WSCD2: variants seen among roughly 807,000 people sequenced by gnomAD.
WSCD2 encodes the protein sialate:O-sulfotransferase 2.
A neutral mutation model predicts 55.7 loss-of-function variants in WSCD2; 28 were observed. That is an observed-to-expected ratio of 0.50 (90% confidence interval 0.37 to 0.69). WSCD2 has a LOEUF of 0.69. WSCD2 is among the 30% of genes least tolerant of loss of function. The pLI, the probability that WSCD2 is intolerant of heterozygous loss-of-function variation, is 0.00. For synonymous variants in WSCD2, 301 were observed against 301.9 expected, an observed-to-expected ratio of 1.00 and a Z score of 0.03; for missense variants, 616 against 762.1, an observed-to-expected ratio of 0.81 and a Z score of 2.26.
intron 2 of WSCD2, among the ~76,000 whole-genome samples, chr12:108,204,633 G>C (rs1488134827): frequency 1.3e-5 from 2 of 152,220 alleles, no homozygotes; most frequent in African/African-American, 4.8e-5. Flanking sequence ...CTTCTCCAGG[G>C]TTGTCACTGT....
intron 2 of WSCD2, among the ~76,000 whole-genome samples, chr12:108,203,656 C>T (rs1044683979): frequency 6.6e-6 from 1 of 152,230 alleles, no homozygotes; most frequent in African/African-American, 2.4e-5. Flanking sequence ...ACGCAATGGA[C>T]ATGCCCACAT....
chr12:108,199,211 A>G (rs139630341), intron 2 of WSCD2, among the ~76,000 whole-genome samples: 1 of 152,318 alleles, frequency 6.6e-6, no homozygotes, highest in East Asian at 1.9e-4. Flanking sequence ...GCTAATAAAA[A>G]TGAGACACTT....
intron 1 of WSCD2, among the ~76,000 whole-genome samples, chr12:108,143,481 T>C (rs1214316005): frequency 6.6e-6 from 1 of 152,148 alleles, no homozygotes; most frequent in African/African-American, 2.4e-5. Flanking sequence ...AGGGAAGAGA[T>C]AACTGGTCAG....
At chr12:108,156,769 C>T (rs1466270191) in intron 1 of WSCD2, among the ~76,000 whole-genome samples, 1 of 152,204 alleles carries the variant, frequency 6.6e-6, no homozygotes, top group African/African-American at 2.4e-5. Flanking sequence ...ATTACTGAGG[C>T]TCCTCGCTCC....
chr12:108,186,196 T>C (rs751895189), intron 1 of WSCD2, among the ~76,000 whole-genome samples: 1 of 152,202 alleles, frequency 6.6e-6, no homozygotes, highest in Non-Finnish European at 1.5e-5. Context: ...CCCCCCTTTT[T>C]AAATAGACTT....
rs560001955 is a variant in WSCD2, at chr12:108,140,381, C to T, written c.-552+10455C>T. ...TTCAGGTCTTGTCAGAGGTGAGCTA[C>T]ATCATAGAGTGGTGAGGCACCTCCT... On this transcript the variant is annotated intron_variant, in intron 1 of 8. Coordinates refer to ENST00000547525, the MANE Select transcript of WSCD2 (RefSeq NM_014653.4). Among the ~76,000 whole-genome samples, 22 of 152,268 alleles carry T rather than the reference C, an allele frequency of 1.4e-4. No homozygotes were observed. The East Asian group carries it at 3.1e-3, about 21-fold the overall frequency.
intron 1 of WSCD2, among the ~76,000 whole-genome samples, chr12:108,176,254 C>T (rs886886466): frequency 5.3e-5 from 8 of 152,222 alleles, no homozygotes; most frequent in Non-Finnish European, 1.0e-4. Context: ...CATATAACCT[C>T]TACTGCAATC....
At chr12:108,236,133 A>G (rs972981503) in intron 7 of WSCD2, among the ~76,000 whole-genome samples, 1 of 152,042 alleles carries the variant, frequency 6.6e-6, no homozygotes, top group African/African-American at 2.4e-5. Flanking sequence ...TCCCCTGGCA[A>G]CTCTTGCTGA....
At position 108,249,775 on chromosome 12, in the gene WSCD2, G is replaced by GT. The variant is rs1401594583; in HGVS notation, c.*1432_*1433insT. 6.6e-6 allele frequency: 1 copy of GT among 152,582 alleles called. No homozygotes were observed. The highest frequency in any genetic ancestry group is 1.9e-4 in the East Asian group (1 of 5,184). 9.5% of individuals were successfully genotyped at this position (152,582 alleles called of 1,614,324 possible). A position where few individuals can be genotyped will look rare whatever the true frequency, so the allele number is the denominator to read the frequency against. On this transcript the variant is annotated 3_prime_UTR_variant, in exon 9 of 9. Transcript: ENST00000547525. The stretch of plus-strand genomic sequence containing the variant: ...AAGAGGAATATGATTAATACATTCC[G>GT]CCCCTTGGAACCTGGCCATGCAAAG...
At position 108,250,062 on chromosome 12, in the gene WSCD2, G is replaced by T. The variant is rs1299865685; in HGVS notation, c.*1719G>T. 1 of 152,370 alleles carries T rather than the reference G, an allele frequency of 6.6e-6. No individual in the cohort carries two copies. The highest frequency in any genetic ancestry group is 6.5e-5 in the Admixed American group (1 of 15,276). The allele number at this position is 152,370 out of a possible 1,614,324, so 9.4% of individuals were successfully genotyped here. ...TGGTCCCCTCTGACCACAAGCTTCT[G>T]CCTGAAGATTCCTCAGGTCAACACC... is the stretch of plus-strand genomic sequence containing the variant. On this transcript the variant is annotated 3_prime_UTR_variant, in exon 9 of 9. Transcript: ENST00000547525.
Position 108,250,016 on chromosome 12 carries a change from C to T in WSCD2, c.*1673C>T, listed in dbSNP as rs1411899321. 2 of 152,566 alleles carry T rather than the reference C, an allele frequency of 1.3e-5. No individual in the cohort carries two copies. The highest frequency in any genetic ancestry group is 2.9e-5 in the Non-Finnish European group (2 of 68,046). The allele number at this position is 152,566 out of a possible 1,614,324, so 9.5% of individuals were successfully genotyped here. A position where few individuals can be genotyped will look rare whatever the true frequency, so the allele number is the denominator to read the frequency against. ...TCTCTGGGAGACTCTTGGTCCAAGA[C>T]CTGGGTCAGTTCTTTGCTGGTGGTC... On this transcript the variant is annotated 3_prime_UTR_variant, in exon 9 of 9. Coordinates refer to ENST00000547525, the MANE Select transcript of WSCD2 (RefSeq NM_014653.4).
At chr12:108,217,780 A>G (rs1887019969) in intron 4 of WSCD2, among the ~76,000 whole-genome samples, 2 of 152,204 alleles carry the variant, frequency 1.3e-5, no homozygotes, top group African/African-American at 4.8e-5. Context: ...GGTGCACAGC[A>G]GTAGCTTCTA....
chr12:108,235,317 G>A (rs80285306), intron 7 of WSCD2, among the ~76,000 whole-genome samples: 2,614 of 152,232 alleles, frequency 0.017, 89 homozygotes, highest in East Asian at 0.15. Context: ...TTAGTCAAAG[G>A]CAAAGGGGGT....
At chr12:108,235,814 T>C (rs927984733) in intron 7 of WSCD2, among the ~76,000 whole-genome samples, 2 of 152,118 alleles carry the variant, frequency 1.3e-5, no homozygotes, top group African/African-American at 2.4e-5. Flanking sequence ...TTAAAATCCT[T>C]CCCGCAGCCT....
At chr12:108,164,860 C>T (rs1879454229) in intron 1 of WSCD2, among the ~76,000 whole-genome samples, 1 of 152,158 alleles carries the variant, frequency 6.6e-6, no homozygotes. Flanking sequence ...CTCATCTGAC[C>T]TGATGGGTTT....
At chr12:108,225,768 A>G (rs1239041004) in intron 5 of WSCD2, among the ~76,000 whole-genome samples, 1 of 152,192 alleles carries the variant, frequency 6.6e-6, no homozygotes, top group Admixed American at 6.5e-5. Flanking sequence ...CAATACCCCC[A>G]GCACAGAACT....
intron 1 of WSCD2, among the ~76,000 whole-genome samples, chr12:108,192,968 A>G (rs1485436365): frequency 2.0e-5 from 3 of 151,756 alleles, no homozygotes; most frequent in African/African-American, 7.3e-5. Flanking sequence ...TATAGTTGTC[A>G]TGAGATCCTC....
In WSCD2 at chr12:108,142,130, T is replaced by C. The variant is rs144922132; in HGVS notation, c.-552+12204T>C. ...TGGGCCTGTGGGCTATTTTAACTTT[T>C]ATTAGAACATTTTTATTTTTTTATT... On this transcript the variant is annotated intron_variant, in intron 1 of 8. Coordinates refer to ENST00000547525, the MANE Select transcript of WSCD2 (RefSeq NM_014653.4). 1.9e-3 allele frequency among the ~76,000 whole-genome samples: 284 copies of C among 152,348 alleles called. 1 individual carries two copies. The highest frequency in any genetic ancestry group is 6.2e-3 in the African/African-American group (258 of 41,574).
chr12:108,150,697 T>G (rs1337377711), intron 1 of WSCD2, among the ~76,000 whole-genome samples: 1 of 152,000 alleles, frequency 6.6e-6, no homozygotes, highest in East Asian at 1.9e-4. Context: ...TGGGAATGGA[T>G]CCACTTTGAC....
Sources: gnomAD v4.1 joint callset for allele counts (sites outside exome capture counted in the v4.1 genomes callset) on GRCh38, gnomAD v4.1.1 for gene constraint, MANE v1.5 for transcripts, NCBI Gene and HGNC (gene_info 2026-07-23, HGNC 2026-07-21) for gene names.